The following CAPN14 variants were observed in gnomAD, a reference collection of about 807,000 sequenced individuals.
CAPN14 encodes calpain-14.
A neutral mutation model predicts 101.3 loss-of-function variants in CAPN14; 94 were observed. The ratio of observed to expected loss-of-function variants is 0.93; its 90% confidence interval spans 0.79 to 1.10. CAPN14 has a LOEUF of 1.10. CAPN14 is among the 50% of genes least tolerant of loss of function. The probability of loss-of-function intolerance (pLI) is 0.00; values close to 1 mark genes in which losing one functional copy is unlikely to be tolerated. For synonymous variants in CAPN14, 338 were observed against 317.9 expected, an observed-to-expected ratio of 1.06 and a Z score of -0.67; for missense variants, 837 against 828.4, an observed-to-expected ratio of 1.01 and a Z score of -0.13.
chr2:31,187,857 A>G (rs1183235097), intron 14 of CAPN14, 43 bp from the exon 15 acceptor site: 1 of 1,493,326 alleles, frequency 6.7e-7, no homozygotes, highest in Non-Finnish European at 9.1e-7. Flanking sequence ...ATTCACCTGT[A>G]TAAACGGACT....
At chr2:31,208,852 T>C (rs1682242861) in intron 1 of CAPN14, among the ~76,000 whole-genome samples, 2 of 152,188 alleles carry the variant, frequency 1.3e-5, no homozygotes, top group Non-Finnish European at 2.9e-5. Flanking sequence ...TGAAGGCTAA[T>C]GGGGCTCGAG....
chr2:31,217,714 T>G (rs554993213), upstream of CAPN14, among the ~76,000 whole-genome samples: 1 of 152,154 alleles, frequency 6.6e-6, no homozygotes, highest in Non-Finnish European at 1.5e-5. Context: ...AGAGAAAGCC[T>G]GTTTCAGTAA....
chr2:31,193,361 G>A, intron 9 of CAPN14, 67 bp from the exon 10 acceptor site: 1 of 1,487,610 alleles, frequency 6.7e-7, no homozygotes, highest in Non-Finnish European at 9.1e-7. Flanking sequence ...AGGACCCATG[G>A]GGAGGGTGAA....
intron 1 of CAPN14, among the ~76,000 whole-genome samples, chr2:31,232,448 TCAC>T (rs1683223537): frequency 1.3e-5 from 2 of 152,376 alleles, no homozygotes; most frequent in Non-Finnish European, 2.9e-5. Context: ...TCGTCTGTTT[TCAC>T]ACTGCTGTGA....
intron 19 of CAPN14, among the ~76,000 whole-genome samples, chr2:31,177,396 A>C (rs572904393): frequency 6.6e-6 from 1 of 152,224 alleles, no homozygotes. Context: ...CCAGCCTTCA[A>C]TGAAGGAGGC....
upstream of CAPN14, among the ~76,000 whole-genome samples, chr2:31,219,337 C>T (rs2148704936): frequency 6.6e-6 from 1 of 152,326 alleles, no homozygotes; most frequent in East Asian, 1.9e-4. Flanking sequence ...TCTCAGAGGT[C>T]ATACATCCCT....
chr2:31,181,769 G>A lies in CAPN14; in HGVS notation c.1646-769C>T, dbSNP rs1312530908. On this transcript the variant is annotated intron_variant, in intron 16 of 21. Transcript: ENST00000403897. ...TTCCCACCTATGAGTGAGAACATGT[G>A]GTGTTTGGTTTTTTGTCCTTGCGAT... is the stretch of plus-strand genomic sequence containing the variant. 5.6e-5 allele frequency among the ~76,000 whole-genome samples: 8 copies of A among 142,728 alleles called. No homozygotes were observed. In the South Asian group the frequency reaches 1.1e-3, roughly 20 times the overall value. 93.6% of individuals were successfully genotyped at this position (142,728 alleles called of 152,430 possible).
chr2:31,221,034 C>T (rs1682847780), upstream of CAPN14, among the ~76,000 whole-genome samples: 1 of 152,104 alleles, frequency 6.6e-6, no homozygotes, highest in Admixed American at 6.5e-5. Flanking sequence ...TGGGGTAGCT[C>T]ATAAATGAAA....
At position 31,180,958 on chromosome 2, in the gene CAPN14, T is replaced by C. The variant is rs1042620581; in HGVS notation, c.1688A>G (p.Gln563Arg). Residue 563 changes from glutamine to arginine, a missense_variant, in exon 17 of 22, where the codon CAG (glutamine) becomes CGG (arginine). Transcript: ENST00000403897. ...TACGTCCAGTAAGGCCAGGATCCCC[T>C]GGCAGGCTTCCAGGCTAAAGAAGGG... ...RQPFFSLEAC[Q>R]GILALLDLNA... The C allele has an allele frequency of 6.4e-7, 1 of 1,551,818 alleles. No individual in the cohort carries two copies. Among genetic ancestry groups the C allele is most frequent in the Admixed American group, 2.0e-5 (1 of 51,000 alleles).
In CAPN14 at chr2:31,209,419, C is replaced by T. The variant is rs138488549; in HGVS notation, c.-52-3920G>A. 3.6e-4 allele frequency among the ~76,000 whole-genome samples: 55 copies of T among 152,188 alleles called. No homozygotes were observed. The South Asian group carries it at 6.8e-3, about 19-fold the overall frequency. On this transcript the variant is annotated intron_variant, in intron 1 of 21. Coordinates refer to ENST00000403897, the MANE Select transcript of CAPN14 (RefSeq NM_001145122.2). Reference sequence around the variant, plus strand: ...GTGAGAGGTGTCAAATAACCTGGTGCTCAGATAACCTAAGTGCCTTGATCC... The same window carrying T: ...GTGAGAGGTGTCAAATAACCTGGTGTTCAGATAACCTAAGTGCCTTGATCC...
intron 2 of CAPN14, among the ~76,000 whole-genome samples, chr2:31,222,953 G>A (rs558322667): frequency 3.3e-5 from 5 of 152,242 alleles, no homozygotes; most frequent in Middle Eastern, 3.4e-3. Context: ...CTTATAAAAG[G>A]GACCCCAGAG....
At chr2:31,207,862 T>A (rs1380587212) in intron 1 of CAPN14, among the ~76,000 whole-genome samples, 2 of 152,216 alleles carry the variant, frequency 1.3e-5, no homozygotes, top group African/African-American at 4.8e-5. Context: ...GTTTTGTAGG[T>A]AGCTCATCAA....
intron 2 of CAPN14, among the ~76,000 whole-genome samples, chr2:31,204,363 T>G (rs1338552221): frequency 6.6e-6 from 1 of 152,168 alleles, no homozygotes; most frequent in Non-Finnish European, 1.5e-5. Flanking sequence ...TCCTAAAACC[T>G]TGGGAACCTC....
intron 2 of CAPN14, among the ~76,000 whole-genome samples, chr2:31,224,644 T>C (rs1014531245): frequency 6.6e-6 from 1 of 151,978 alleles, no homozygotes; most frequent in African/African-American, 2.4e-5. Context: ...TTTATGTAAG[T>C]AGAAAAACAA....
intron 16 of CAPN14, among the ~76,000 whole-genome samples, chr2:31,186,040 C>T (rs1166556987): frequency 6.6e-6 from 1 of 152,178 alleles, no homozygotes; most frequent in Admixed American, 6.5e-5. Context: ...ATGAGTTCAT[C>T]AGACAGTTCC....
exon 2 of CAPN14, chr2:31,226,528 A>T (rs1032181677): frequency 5.9e-5 from 9 of 152,256 alleles, no homozygotes; most frequent in African/African-American, 2.2e-4. Context: ...CAACACTTAC[A>T]GCCCGGGAAA....
intron 21 of CAPN14, among the ~76,000 whole-genome samples, chr2:31,176,377 T>C (rs1256771586): frequency 6.6e-6 from 1 of 152,260 alleles, no homozygotes; most frequent in East Asian, 1.9e-4. Flanking sequence ...GGATACACCT[T>C]TCATATGTGC....
At chr2:31,219,614 G>A (rs935510765), upstream of CAPN14, among the ~76,000 whole-genome samples, 10 of 152,334 alleles carry the variant, frequency 6.6e-5, no homozygotes, top group Non-Finnish European at 1.2e-4. Flanking sequence ...AGTAGAACCG[G>A]AGCACTTGCT....
chr2:31,200,965 A>G (rs1681728676), intron 5 of CAPN14, among the ~76,000 whole-genome samples: 1 of 152,108 alleles, frequency 6.6e-6, no homozygotes, highest in Non-Finnish European at 1.5e-5. Context: ...CTTTGAACCC[A>G]TCAGTTAAAG....
Sources: gnomAD v4.1 joint callset for allele counts (sites outside exome capture counted in the v4.1 genomes callset) on GRCh38, gnomAD v4.1.1 for gene constraint, MANE v1.5 for transcripts, NCBI Gene and HGNC (gene_info 2026-07-23, HGNC 2026-07-21) for gene names.